Variants in CHRM3 observed in about 807,000 individuals in gnomAD.
CHRM3 encodes the protein cholinergic receptor muscarinic 3.
CHRM3 carries 11 observed loss-of-function variants against 41.8 expected under a neutral mutation model. The ratio of observed to expected loss-of-function variants is 0.26; its 90% CI spans 0.17 to 0.44. CHRM3 has a LOEUF of 0.44. Ranked by LOEUF, CHRM3 falls within the 20% of genes least tolerant of loss-of-function variation. CHRM3 has a pLI of 1.00. For synonymous variants in CHRM3, 297 were observed against 301.4 expected (o/e 0.99, Z 0.15); for missense variants, 571 against 745.4 (o/e 0.77, Z 2.72).
Position 239,911,283 on chromosome 1 carries a change from A to G in CHRM3, c.*2059A>G, listed in dbSNP as rs1680354846. 6.0e-6 allele frequency: 1 copy of G among 167,128 alleles called. No individual in the cohort carries two copies. The highest frequency in any genetic ancestry group is 2.4e-5 in the African/African-American group (1 of 41,472). 10.4% of individuals were successfully genotyped at this position (167,128 alleles called of 1,614,324 possible). On this transcript the variant is annotated 3_prime_UTR_variant, in exon 7 of 7. Transcript: ENST00000676153. ...AAAAAAAACAATCAGCATAATTGTA[A>G]GAATGATTTTTTTGGGCCCACATTC...
At chr1:239,793,691 T>C (rs1669521145) in intron 5 of CHRM3, among the ~76,000 whole-genome samples, 1 of 151,976 alleles carries the variant, frequency 6.6e-6, no homozygotes, top group African/African-American at 2.4e-5. Flanking sequence ...CTGTGAATGG[T>C]GGGATATTGT....
At chr1:239,638,144 T>C (rs1401575649) in intron 4 of CHRM3, among the ~76,000 whole-genome samples, 1 of 151,356 alleles carries the variant, frequency 6.6e-6, no homozygotes, top group Non-Finnish European at 1.5e-5. Context: ...TGCCACATTT[T>C]CTTAATCCAG....
At chr1:239,408,646 TAAA>T (rs909481581) in intron 1 of CHRM3, among the ~76,000 whole-genome samples, 2 of 152,080 alleles carry the variant, frequency 1.3e-5, no homozygotes, top group African/African-American at 4.8e-5. Flanking sequence ...GATGCTCTTT[TAAA>T]AAATTATTTC....
At chr1:239,792,513 T>C (rs1382475511) in intron 5 of CHRM3, among the ~76,000 whole-genome samples, 1 of 152,224 alleles carries the variant, frequency 6.6e-6, no homozygotes, top group Non-Finnish European at 1.5e-5. Flanking sequence ...CCTGAGCAAC[T>C]TTCAATATGA....
At chr1:239,510,187 T>C (rs1668829114) in intron 2 of CHRM3, among the ~76,000 whole-genome samples, 2 of 152,228 alleles carry the variant, frequency 1.3e-5, no homozygotes, top group Non-Finnish European at 2.9e-5. Context: ...ACATTTAAGA[T>C]TGATTCTCCA....
intron 4 of CHRM3, among the ~76,000 whole-genome samples, chr1:239,669,980 A>G (rs1026192743): frequency 6.6e-5 from 10 of 152,330 alleles, no homozygotes; most frequent in African/African-American, 2.4e-4. Flanking sequence ...GTACTAAATT[A>G]ATATTCAATA....
intron 5 of CHRM3, among the ~76,000 whole-genome samples, chr1:239,782,922 T>A (rs1380270679): frequency 6.6e-6 from 1 of 152,134 alleles, no homozygotes; most frequent in Middle Eastern, 3.2e-3. Context: ...ACTTTTCAGC[T>A]ATAGTTATTG....
At chr1:239,649,938 C>G (rs1672085685) in intron 4 of CHRM3, among the ~76,000 whole-genome samples, 1 of 152,160 alleles carries the variant, frequency 6.6e-6, no homozygotes, top group Non-Finnish European at 1.5e-5. Context: ...ATATTTAAAG[C>G]CATCCTTTGG....
chr1:239,876,380 G>A (rs184500968), intron 6 of CHRM3, among the ~76,000 whole-genome samples: 14 of 152,290 alleles, frequency 9.2e-5, no homozygotes, highest in South Asian at 2.1e-4. Flanking sequence ...GCAAAAGGGC[G>A]GATTGGTGAC....
At chr1:239,540,503 G>C (rs1049106622) in intron 2 of CHRM3, among the ~76,000 whole-genome samples, 2 of 152,072 alleles carry the variant, frequency 1.3e-5, no homozygotes, top group Non-Finnish European at 2.9e-5. Flanking sequence ...GAAGAAATTA[G>C]ATTTCAAATG....
chr1:239,776,377 A>C (rs149921277), intron 5 of CHRM3, among the ~76,000 whole-genome samples: 1 of 152,352 alleles, frequency 6.6e-6, no homozygotes, highest in Non-Finnish European at 1.5e-5. Flanking sequence ...AGCATTAATT[A>C]TGTAAGTGTA....
intron 6 of CHRM3, among the ~76,000 whole-genome samples, chr1:239,829,275 C>T (rs1341974086): frequency 6.6e-6 from 1 of 152,130 alleles, no homozygotes; most frequent in Non-Finnish European, 1.5e-5. Flanking sequence ...AAACCGCTAG[C>T]TTTGCAAGTC....
chr1:239,439,077 T>A (rs1663501918), intron 1 of CHRM3, among the ~76,000 whole-genome samples: 1 of 152,230 alleles, frequency 6.6e-6, no homozygotes. Flanking sequence ...TCTCTTGGCA[T>A]ACTTAGTGTG....
chr1:239,742,309 G>T (rs944661095), intron 5 of CHRM3, among the ~76,000 whole-genome samples: 10 of 152,124 alleles, frequency 6.6e-5, no homozygotes, highest in Non-Finnish European at 1.5e-4. Flanking sequence ...TCTTCAGTTT[G>T]GGATAGTCTC....
At position 239,837,110 on chromosome 1, in the gene CHRM3, G is replaced by T. The variant is rs539906787; in HGVS notation, c.-20+9732G>T. Among the ~76,000 whole-genome samples the T allele has an allele frequency of 5.7e-4, 87 of 152,238 alleles. No individual in the cohort carries two copies. In the South Asian group the frequency reaches 0.017, roughly 30 times the overall value. Reference sequence around the variant, plus strand: ...TAAGCAGAAAAAAATGCAACATTTTGGTTGTGTGCTCCATGGATCAGTCAC... The same window carrying T: ...TAAGCAGAAAAAAATGCAACATTTTTGTTGTGTGCTCCATGGATCAGTCAC... On this transcript the variant is annotated intron_variant, in intron 6 of 6. Transcript: ENST00000676153.
intron 3 of CHRM3, among the ~76,000 whole-genome samples, chr1:239,582,289 A>G (rs1442513386): frequency 6.6e-6 from 1 of 152,230 alleles, no homozygotes; most frequent in East Asian, 1.9e-4. Context: ...TTGTCTGCTA[A>G]AAATAATTAT....
intron 5 of CHRM3, among the ~76,000 whole-genome samples, chr1:239,700,115 A>G (rs1660548325): frequency 6.6e-6 from 1 of 152,164 alleles, no homozygotes; most frequent in African/African-American, 2.4e-5. Flanking sequence ...TCCTCATAAA[A>G]GAAATACTAA....
At chr1:239,709,328 T>C (rs973180387) in intron 5 of CHRM3, among the ~76,000 whole-genome samples, 5 of 152,214 alleles carry the variant, frequency 3.3e-5, no homozygotes, top group Non-Finnish European at 7.4e-5. Flanking sequence ...TTGGTTCTAA[T>C]GCCTCCACCT....
intron 5 of CHRM3, among the ~76,000 whole-genome samples, chr1:239,700,910 C>A (rs975598662): frequency 1.3e-5 from 2 of 152,140 alleles, no homozygotes; most frequent in African/African-American, 4.8e-5. Flanking sequence ...GAAAGGGCAG[C>A]TCCCTTGACT....
Sources: allele counts gnomAD v4.1 joint callset (sites outside exome capture counted in the v4.1 genomes callset), GRCh38; gene constraint gnomAD v4.1.1; transcripts MANE v1.5; gene names NCBI Gene and HGNC (gene_info 2026-07-23, HGNC 2026-07-21).